The following PAPPA variants were observed in gnomAD, a reference collection of about 807,000 sequenced individuals.
The protein encoded by PAPPA is pappalysin 1.
PAPPA carries 60 observed loss-of-function variants against 164.0 expected under a neutral mutation model. That is an observed-to-expected ratio of 0.37 (90% CI 0.30 to 0.45). The LOEUF (loss-of-function observed/expected upper bound fraction) is 0.45. Among genes scored for constraint, PAPPA ranks in the 20% least tolerant of loss-of-function variants. The probability of loss-of-function intolerance (pLI) is 1.00; values close to 1 mark genes in which losing one functional copy is unlikely to be tolerated. For synonymous variants in PAPPA, 875 were observed against 814.1 expected, an observed-to-expected ratio of 1.07 and a Z score of -1.27; for missense variants, 1,782 against 2,087.3, an observed-to-expected ratio of 0.85 and a Z score of 2.85.
chr9:116,194,549 C>A (rs915401678), intron 2 of PAPPA, among the ~76,000 whole-genome samples: 1 of 152,054 alleles, frequency 6.6e-6, no homozygotes, highest in African/African-American at 2.4e-5. Flanking sequence ...AGAGACTGAC[C>A]AGGGTTTGAA....
intron 7 of PAPPA, among the ~76,000 whole-genome samples, chr9:116,246,820 GC>G (rs1480171737): frequency 6.6e-6 from 1 of 152,136 alleles, no homozygotes; most frequent in African/African-American, 2.4e-5. Context: ...TTCAAGACCA[GC>G]CTGGACAGCA....
chr9:116,330,830 A>G (rs914695066), intron 10 of PAPPA, among the ~76,000 whole-genome samples: 1 of 152,170 alleles, frequency 6.6e-6, no homozygotes, highest in African/African-American at 2.4e-5. Flanking sequence ...CAGCCTCAGT[A>G]GTAACCATTT....
At chr9:116,289,313 GGCA>G (rs1845399132) in intron 9 of PAPPA, among the ~76,000 whole-genome samples, 1 of 119,018 alleles carries the variant, frequency 8.4e-6, no homozygotes, top group African/African-American at 3.2e-5. Context: ...GCATATATAT[GGCA>G]TATATATGGC....
At chr9:116,281,107 T>C (rs534568044) in intron 9 of PAPPA, among the ~76,000 whole-genome samples, 28 of 152,286 alleles carry the variant, frequency 1.8e-4, no homozygotes, top group Middle Eastern at 6.8e-3. Context: ...TTATGAGTAA[T>C]CTAGAGCTGA....
rs775819698 is a variant in PAPPA, at chr9:116,396,496, C to T, written c.4777-13C>T. 4 of 780,438 alleles carry T rather than the reference C, an allele frequency of 5.1e-6. No individual in the cohort carries two copies. The highest frequency in any genetic ancestry group is 3.4e-5 in the Admixed American group (2 of 58,956). 48.3% of individuals were successfully genotyped at this position (780,438 alleles called of 1,614,324 possible). A position where few individuals can be genotyped will look rare whatever the true frequency, so the allele number is the denominator to read the frequency against. ...TCAGACCAAATCACCTGATTCACTT[C>T]TTCTTTCTGCAGGTCACCCCATTCC... On this transcript the variant is annotated splice_polypyrimidine_tract_variant and intron_variant, in intron 21 of 21. Coordinates refer to ENST00000328252, the MANE Select transcript of PAPPA (RefSeq NM_002581.5).
intron 5 of PAPPA, among the ~76,000 whole-genome samples, chr9:116,226,373 T>C (rs577401254): frequency 5.3e-5 from 8 of 152,286 alleles, no homozygotes; most frequent in African/African-American, 1.9e-4. Context: ...CCCAGAGGCA[T>C]AGTGAACGTC....
chr9:116,243,364 C>T, intron 7 of PAPPA, among the ~76,000 whole-genome samples: 1 of 152,216 alleles, frequency 6.6e-6, no homozygotes, highest in South Asian at 2.1e-4. Context: ...ACTAACATTA[C>T]TGCTAACAAT....
chr9:116,353,536 G>T lies in PAPPA; in HGVS notation c.4176-86G>T, dbSNP rs964188430. ...GAATCAAAACTAGGAAATAGGAAATGGGGGCCCAGCTGGTGGTGTTCATGC... is the reference window on the plus strand; with the variant it reads ...GAATCAAAACTAGGAAATAGGAAATTGGGGCCCAGCTGGTGGTGTTCATGC... On this transcript the variant is annotated intron_variant, in intron 16 of 21. Transcript: ENST00000328252. 10 of 1,209,444 alleles carry T rather than the reference G, an allele frequency of 8.3e-6. No homozygotes were observed. The East Asian group carries it at 2.1e-4, about 26-fold the overall frequency. 74.9% of individuals were successfully genotyped at this position (1,209,444 alleles called of 1,614,324 possible).
At chr9:116,371,682 A>T (rs1421079873) in intron 19 of PAPPA, among the ~76,000 whole-genome samples, 1 of 151,760 alleles carries the variant, frequency 6.6e-6, no homozygotes, top group Non-Finnish European at 1.5e-5. Context: ...TCCTCAAGTG[A>T]TCCTTCTGCC....
At chr9:116,372,949 G>C (rs1846594732) in intron 19 of PAPPA, among the ~76,000 whole-genome samples, 1 of 152,322 alleles carries the variant, frequency 6.6e-6, no homozygotes, top group African/African-American at 2.4e-5. Flanking sequence ...GGCAGAATTA[G>C]CTAGCTAATT....
intron 7 of PAPPA, among the ~76,000 whole-genome samples, chr9:116,255,147 A>G (rs1039115513): frequency 6.6e-6 from 1 of 151,988 alleles, no homozygotes; most frequent in Admixed American, 6.6e-5. Flanking sequence ...TTTATCTTCA[A>G]ATAGTTTTTG....
At chr9:116,381,112 ACT>A (rs969947210) in intron 20 of PAPPA, among the ~76,000 whole-genome samples, 3 of 152,178 alleles carry the variant, frequency 2.0e-5, no homozygotes, top group African/African-American at 7.2e-5. Context: ...GGGTAGGTTC[ACT>A]GTTTTGAGAA....
chr9:116,346,757 G>A (rs1846215075), intron 14 of PAPPA, among the ~76,000 whole-genome samples: 2 of 152,142 alleles, frequency 1.3e-5, no homozygotes, highest in South Asian at 4.2e-4. Flanking sequence ...ATAGCCTTTG[G>A]ACTCAAGTCC....
intron 2 of PAPPA, among the ~76,000 whole-genome samples, chr9:116,202,304 C>T (rs1021965030): frequency 5.9e-5 from 9 of 152,148 alleles, no homozygotes; most frequent in South Asian, 2.1e-4. Context: ...CAGATTATTA[C>T]AGAGTTGTGC....
chr9:116,200,592 T>C, intron 2 of PAPPA, among the ~76,000 whole-genome samples: 1 of 152,190 alleles, frequency 6.6e-6, no homozygotes, highest in East Asian at 1.9e-4. Flanking sequence ...TAGTAAACTT[T>C]CCCAAATGGT....
rs1484608670 is a variant in PAPPA at position 116,256,865 on chromosome 9, A to G, written c.2733-8992A>G. On this transcript the variant is annotated intron_variant, in intron 7 of 21. Transcript: ENST00000328252. ...GTTTGAGCTGATAAAAATGTATAGA[A>G]CCCTGATACAGAACTAAATTATGAA... is the stretch of plus-strand genomic sequence containing the variant. Among the ~76,000 whole-genome samples, 3 of 152,078 alleles carry G rather than the reference A, an allele frequency of 2.0e-5. No individual in the cohort carries two copies. The East Asian group carries it at 5.9e-4, about 30-fold the overall frequency.
intron 9 of PAPPA, among the ~76,000 whole-genome samples, chr9:116,301,994 G>A (rs1434143743): frequency 1.3e-5 from 2 of 152,162 alleles, no homozygotes; most frequent in Admixed American, 6.5e-5. Context: ...ACAACCCCCA[G>A]TTTGCCTCTG....
chr9:116,281,261 C>T (rs79904095), intron 9 of PAPPA, among the ~76,000 whole-genome samples: 6,486 of 152,054 alleles, frequency 0.043, 474 homozygotes, highest in African/African-American at 0.15. Flanking sequence ...ACTGTGTAAG[C>T]GGGTAAAAGT....
chr9:116,362,430 C>T (rs1374450153), intron 17 of PAPPA, among the ~76,000 whole-genome samples, 162 bp from the exon 18 acceptor site: 2 of 152,172 alleles, frequency 1.3e-5, no homozygotes, highest in Admixed American at 6.5e-5. Context: ...TAACAATACC[C>T]CTCTTTCAGG....
Sources: gnomAD v4.1 joint callset for allele counts (sites outside exome capture counted in the v4.1 genomes callset) on GRCh38, gnomAD v4.1.1 for gene constraint, MANE v1.5 for transcripts, NCBI Gene and HGNC (gene_info 2026-07-23, HGNC 2026-07-21) for gene names.